Variants in FCHO2 observed in about 807,000 individuals in gnomAD.
The protein encoded by FCHO2 is FCH and mu domain containing endocytic adaptor 2, also known as F-BAR domain only protein 2.
In FCHO2, 43 loss-of-function variants were observed where a neutral mutation model predicts 114.1. The observed-to-expected ratio is 0.38, with a 90% CI of 0.30 to 0.49. FCHO2 has a LOEUF of 0.49. FCHO2 is among the 20% of genes least tolerant of loss of function. The pLI is 0.97. For missense variants in FCHO2, 807 were observed against 950.4 expected (o/e 0.85, Z 1.98); for synonymous variants, 293 against 315.2 (o/e 0.93, Z 0.75).
In FCHO2 at chr5:73,052,494, C is replaced by T; in HGVS notation, c.1160C>T (p.Ser387Phe). ...GTATCTATAGGGAATATAACACTCT[C>T]CCCAGCAATATCTGTAAGTACAAAC... ...LKVSIGNITL[S>F]PAISRHSPVQ... Residue 387 changes from serine to phenylalanine, a missense_variant, in exon 13 of 26, where the codon TCC (serine) becomes TTC (phenylalanine). Transcript: ENST00000430046. 1 of 1,588,878 alleles carries T rather than the reference C, an allele frequency of 6.3e-7. No homozygotes were observed. The highest frequency in any genetic ancestry group is 8.6e-7 in the Non-Finnish European group (1 of 1,166,752).
At chr5:73,042,645 G>C (rs1025963841) in intron 11 of FCHO2, among the ~76,000 whole-genome samples, 1 of 152,032 alleles carries the variant, frequency 6.6e-6, no homozygotes, top group African/African-American at 2.4e-5. Flanking sequence ...GAAAAAATAC[G>C]TTATAAAAGG....
At chr5:73,008,059 G>A (rs1044595127) in intron 6 of FCHO2, among the ~76,000 whole-genome samples, 9 of 152,176 alleles carry the variant, frequency 5.9e-5, no homozygotes, top group African/African-American at 1.9e-4. Flanking sequence ...AGGGAAAATG[G>A]TAGTGAGAAA....
chr5:73,075,772 T>C (rs1159467304), intron 20 of FCHO2, among the ~76,000 whole-genome samples: 1 of 152,094 alleles, frequency 6.6e-6, no homozygotes, highest in Admixed American at 6.6e-5. Context: ...TGAGTAGTAA[T>C]GAGATTCTGA....
intron 21 of FCHO2, 74 bp downstream of exon 21, chr5:73,077,567 C>T: frequency 5.6e-6 from 8 of 1,431,464 alleles, no homozygotes; most frequent in South Asian, 1.5e-5. Context: ...CAGTGGCTCA[C>T]GCCTGTAATC....
chr5:73,036,081 G>C (rs12187012), intron 9 of FCHO2, among the ~76,000 whole-genome samples: 5,160 of 152,050 alleles, frequency 0.034, 126 homozygotes, highest in Non-Finnish European at 0.053. Context: ...CCTGACCTTA[G>C]GTGATCCGCC....
intron 3 of FCHO2, 39 bp downstream of exon 3, chr5:72,989,540 G>T: frequency 6.6e-7 from 1 of 1,526,034 alleles, no homozygotes; most frequent in South Asian, 1.2e-5. Context: ...GTTTATTTAG[G>T]CAAAGTTCTT....
chr5:73,081,823 C>T lies in FCHO2; in HGVS notation c.2021C>T (p.Ala674Val), dbSNP rs1286342655. ...ATTCAGTCCACTCCTCTGAATCTTG[C>T]AACATACTGGAAATGTAGTGCTAGC... ...NGIQSTPLNL[A>V]TYWKCSASTT... The change falls in exon 23 of 26, where the codon GCA becomes GTA. Residue 674 changes from alanine to valine, a missense_variant. Physicochemically the swap from Ala to Val is moderately conservative, Grantham distance 64 (BLOSUM62 0). Transcript: ENST00000430046. 6.2e-7 allele frequency: 1 copy of T among 1,601,808 alleles called. No homozygotes were observed. The highest frequency in any genetic ancestry group is 8.5e-7 in the Non-Finnish European group (1 of 1,173,486).
chr5:73,059,629 G>A (rs1490948531), intron 17 of FCHO2, among the ~76,000 whole-genome samples: 6 of 152,028 alleles, frequency 3.9e-5, no homozygotes, highest in Non-Finnish European at 8.8e-5. Flanking sequence ...ACTATAAGTG[G>A]ATTATAAGAA....
In FCHO2 at chr5:73,037,151, C is replaced by A; in HGVS notation, c.850C>A (p.Pro284Thr). The change falls in exon 10 of 26, where the codon CCA (proline) becomes ACA (threonine). Residue 284 changes from proline (P) to threonine (T), a missense_variant. Physicochemically the swap from Pro to Thr is conservative, Grantham distance 38 (BLOSUM62 -1). Transcript: ENST00000430046. ...ATATATTTATTTTAAAGGTATAAAA[C>A]CAAGGAAAAGAAAGACCTTTGCTTT... is the stretch of plus-strand genomic sequence containing the variant. ...DTASAVEGIKPRKRKTFALPG... is the reference protein window; with the variant it reads ...DTASAVEGIKTRKRKTFALPG... 1.3e-6 allele frequency: 2 copies of A among 1,574,808 alleles called. No homozygotes were observed. The highest frequency in any genetic ancestry group is 2.3e-5 in the South Asian group (2 of 85,118).
At chr5:72,999,475 T>C (rs1236126139) in intron 5 of FCHO2, among the ~76,000 whole-genome samples, 1 of 148,448 alleles carries the variant, frequency 6.7e-6, no homozygotes, top group African/African-American at 2.5e-5. Context: ...CTCTGCCTCC[T>C]GGATTCAAGC....
At position 73,088,258 on chromosome 5, in the gene FCHO2, A is replaced by G. The variant is rs548355257; in HGVS notation, c.*168A>G. ...CTTTTAAAGTGAGTCATTGAAATAA[A>G]TAGTACTGAAATGATTCTCTATGTT... is the stretch of plus-strand genomic sequence containing the variant. On this transcript the variant is annotated 3_prime_UTR_variant, in exon 26 of 26. Transcript: ENST00000430046. 1.3e-5 allele frequency: 10 copies of G among 755,210 alleles called. No homozygotes were observed. The South Asian group carries it at 1.6e-4, about 12-fold the overall frequency. 46.8% of individuals were successfully genotyped at this position (755,210 alleles called of 1,614,324 possible).
At chr5:72,967,076 A>C (rs927137182) in intron 1 of FCHO2, among the ~76,000 whole-genome samples, 1 of 152,222 alleles carries the variant, frequency 6.6e-6, no homozygotes, top group African/African-American at 2.4e-5. Context: ...GTTTGAGGCC[A>C]GGAGTTCGAG....
intron 5 of FCHO2, among the ~76,000 whole-genome samples, chr5:72,998,656 C>T (rs937527601): frequency 1.0e-4 from 15 of 150,008 alleles, no homozygotes; most frequent in African/African-American, 1.5e-4. Flanking sequence ...GGTTAAATAC[C>T]GTTGTCTTCT....
intron 8 of FCHO2, among the ~76,000 whole-genome samples, chr5:73,018,027 A>G (rs1755399915): frequency 6.6e-6 from 1 of 152,134 alleles, no homozygotes; most frequent in South Asian, 2.1e-4. Flanking sequence ...TTACTATATC[A>G]TGTTCTTGCA....
chr5:73,059,822 A>G (rs867950963), intron 17 of FCHO2, among the ~76,000 whole-genome samples: 31 of 151,960 alleles, frequency 2.0e-4, no homozygotes, highest in Middle Eastern at 3.2e-3. Context: ...TATATATATT[A>G]TATGAAGAAA....
intron 1 of FCHO2, among the ~76,000 whole-genome samples, chr5:72,958,012 G>C (rs750156330): frequency 6.6e-6 from 1 of 150,388 alleles, no homozygotes; most frequent in Non-Finnish European, 1.5e-5. Context: ...TTAAAAATTG[G>C]GTTGTCTTTT....
At chr5:73,084,466 A>T (rs1049692681) in intron 24 of FCHO2, among the ~76,000 whole-genome samples, 2 of 152,058 alleles carry the variant, frequency 1.3e-5, no homozygotes, top group Admixed American at 6.6e-5. Flanking sequence ...GGGTTTCGCC[A>T]TGTTGGCCAG....
intron 11 of FCHO2, among the ~76,000 whole-genome samples, chr5:73,042,695 C>T (rs756959474): frequency 2.6e-5 from 4 of 151,958 alleles, no homozygotes; most frequent in African/African-American, 7.2e-5. Flanking sequence ...CTTTGCAAGA[C>T]GTGACAGGGG....
chr5:73,086,841 C>G (rs1313276313), intron 24 of FCHO2, among the ~76,000 whole-genome samples: 2 of 152,166 alleles, frequency 1.3e-5, no homozygotes, highest in East Asian at 3.8e-4. Flanking sequence ...TCCTGCTAAT[C>G]TGATATAGAT....
Sources: allele counts gnomAD v4.1 joint callset (sites outside exome capture counted in the v4.1 genomes callset), GRCh38; gene constraint gnomAD v4.1.1; transcripts MANE v1.5; gene names NCBI Gene and HGNC (gene_info 2026-07-23, HGNC 2026-07-21).